The following TRIM37 variants were observed in gnomAD, a reference collection of about 807,000 sequenced individuals.
TRIM37 encodes the protein tripartite motif containing 37, also known as E3 ubiquitin-protein ligase TRIM37.
TRIM37 carries 80 observed loss-of-function variants against 129.8 expected under a neutral mutation model. The ratio of observed to expected loss-of-function variants is 0.62; its 90% CI spans 0.51 to 0.74. TRIM37 has a LOEUF of 0.74. TRIM37 is among the 30% of genes least tolerant of loss of function. The pLI is 0.00. For missense variants in TRIM37, 1,054 were observed against 1,176.5 expected, an observed-to-expected ratio of 0.90 and a Z score of 1.52; for synonymous variants, 389 against 387.1, an observed-to-expected ratio of 1.00 and a Z score of -0.06.
At chr17:59,017,478 CTATT>C in intron 19 of TRIM37, 54 bp from the exon 20 acceptor site, 2 of 1,612,788 alleles carry the variant, frequency 1.2e-6, no homozygotes, top group South Asian at 1.1e-5. Flanking sequence ...ACAAAACTCA[CTATT>C]TAGTCTGTCA....
intron 2 of TRIM37, among the ~76,000 whole-genome samples, chr17:59,101,668 AAAAAAAAAAATATAT>A (rs1226356568): frequency 7.6e-5 from 9 of 119,100 alleles, no homozygotes; most frequent in East Asian, 6.8e-4. Flanking sequence ...AAAAAAAAAA[AAAAAAAAAAATATAT>A]ATATATATAT....
intron 22 of TRIM37, among the ~76,000 whole-genome samples, chr17:59,009,548 C>T (rs1263218691): frequency 3.3e-5 from 5 of 149,512 alleles, no homozygotes; most frequent in Admixed American, 6.7e-5. Flanking sequence ...CGGGTTCAAG[C>T]GATTCTCCTG....
At chr17:58,973,414 C>CA in the TRIM37 span, among the ~76,000 whole-genome samples, 766 of 117,718 alleles carry the variant, frequency 6.5e-3, 5 homozygotes, top group African/African-American at 0.021. Flanking sequence ...GAGACTGTCT[C>CA]AAAAAAAAAA....
intron 24 of TRIM37, among the ~76,000 whole-genome samples, chr17:58,987,003 G>A (rs2031881952): frequency 6.6e-6 from 1 of 152,170 alleles, no homozygotes; most frequent in South Asian, 2.1e-4. Context: ...GCAGTTGGTT[G>A]AGCCTGCCTC....
At chr17:59,015,139 A>T (rs1410013077) in intron 21 of TRIM37, among the ~76,000 whole-genome samples, 2 of 151,620 alleles carry the variant, frequency 1.3e-5, no homozygotes, top group African/African-American at 4.8e-5. Context: ...CTGATACTTT[A>T]AAAAAGTTAA....
downstream of TRIM37, among the ~76,000 whole-genome samples, chr17:58,994,543 G>A (rs2032781608): frequency 6.6e-6 from 1 of 152,000 alleles, no homozygotes; most frequent in South Asian, 2.1e-4. Context: ...GCTATGCACA[G>A]CTGCACCCTA....
At chr17:59,025,286 G>A (rs2037108827) in intron 19 of TRIM37, among the ~76,000 whole-genome samples, 3 of 151,836 alleles carry the variant, frequency 2.0e-5, no homozygotes, top group Admixed American at 2.0e-4. Flanking sequence ...AAAACAAAAA[G>A]TACCAGAAGA....
Position 59,091,284 on chromosome 17 carries a change from G to T in TRIM37, c.164+16C>A. Reference sequence around the variant, plus strand: ...CTATTTTCAAAATTCACAAATAATCGTAAGGAAACACTTACCGGCAATGAG... The same window carrying T: ...CTATTTTCAAAATTCACAAATAATCTTAAGGAAACACTTACCGGCAATGAG... On this transcript the variant is annotated intron_variant, in intron 3 of 23. Coordinates refer to ENST00000262294, the MANE Select transcript of TRIM37 (RefSeq NM_015294.6). The T allele has an allele frequency of 6.3e-7, 1 of 1,580,890 alleles. No individual in the cohort carries two copies. The highest frequency in any genetic ancestry group is 8.6e-7 in the Non-Finnish European group (1 of 1,160,080).
intron 24 of TRIM37, chr17:58,984,299 C>T (rs1382582118): frequency 6.6e-6 from 1 of 152,594 alleles, no homozygotes; most frequent in African/African-American, 2.4e-5. Flanking sequence ...ACTGTTGAAA[C>T]ACTGTGCCAG....
chr17:59,041,073 C>A (rs1235572584), intron 17 of TRIM37, among the ~76,000 whole-genome samples: 5 of 152,042 alleles, frequency 3.3e-5, no homozygotes, highest in African/African-American at 1.2e-4. Flanking sequence ...AAAGAATATG[C>A]CAGTGTTCAT....
intron 2 of TRIM37, 101 bp downstream of exon 2, chr17:59,104,192 C>A: frequency 8.2e-7 from 1 of 1,222,120 alleles, no homozygotes; most frequent in South Asian, 1.3e-5. Context: ...CAAGCAAGCA[C>A]TTTAGGGCAA....
intron 9 of TRIM37, among the ~76,000 whole-genome samples, chr17:59,067,800 T>C (rs1224329999): frequency 6.9e-6 from 1 of 144,182 alleles, no homozygotes; most frequent in Non-Finnish European, 1.6e-5. Flanking sequence ...CCTCCCAAGG[T>C]GCTGGGGTTA....
At chr17:59,101,655 C>CAA (rs763661189) in intron 2 of TRIM37, among the ~76,000 whole-genome samples, 765 of 58,458 alleles carry the variant, frequency 0.013, 10 homozygotes, top group East Asian at 0.028. Flanking sequence ...CCCATCTCTA[C>CAA]AAAAAAAAAA....
At chr17:59,091,259 C>G (rs754965193) in intron 3 of TRIM37, 41 bp downstream of exon 3, 1 of 1,539,912 alleles carries the variant, frequency 6.5e-7, no homozygotes, top group Non-Finnish European at 8.9e-7. Context: ...TCTGATCTTA[C>G]TATTTTCAAA....
intron 16 of TRIM37, among the ~76,000 whole-genome samples, chr17:59,045,500 G>A (rs1893010896): frequency 6.6e-6 from 1 of 150,952 alleles, no homozygotes; most frequent in Admixed American, 6.6e-5. Context: ...TTAGCTGGGT[G>A]TGGTGGTGGG....
intron 2 of TRIM37, among the ~76,000 whole-genome samples, chr17:59,101,715 C>G (rs896712099): frequency 1.4e-5 from 2 of 139,384 alleles, no homozygotes; most frequent in African/African-American, 5.3e-5. Context: ...CACACACACA[C>G]ACACACATAT....
At chr17:59,012,305 C>T (rs1203956749) in intron 22 of TRIM37, 23 bp downstream of exon 22, 1 of 1,378,574 alleles carries the variant, frequency 7.3e-7, no homozygotes, top group South Asian at 1.1e-5. Context: ...TTCCTGCTTA[C>T]TTATAAGTTT....
chr17:58,996,391 A>G (rs768618860), downstream of TRIM37, among the ~76,000 whole-genome samples: 1 of 151,528 alleles, frequency 6.6e-6, no homozygotes, highest in Non-Finnish European at 1.5e-5. Flanking sequence ...AATGGCTTGA[A>G]TCAGGGAGGC....
At chr17:58,968,293 C>T in the TRIM37 span, among the ~76,000 whole-genome samples, 4 of 152,094 alleles carry the variant, frequency 2.6e-5, no homozygotes, top group Non-Finnish European at 5.9e-5. Context: ...GGTGCAGTGG[C>T]TCTTGCCTGT....
Sources: gnomAD v4.1 joint callset for allele counts (sites outside exome capture counted in the v4.1 genomes callset) on GRCh38, gnomAD v4.1.1 for gene constraint, MANE v1.5 for transcripts, NCBI Gene and HGNC (gene_info 2026-07-23, HGNC 2026-07-21) for gene names.